SEPTIN9: variants seen among roughly 807,000 people sequenced by gnomAD.
The protein encoded by SEPTIN9 is septin 9.
A neutral mutation model predicts 56.6 loss-of-function variants in SEPTIN9; 13 were observed. That is an observed-to-expected ratio of 0.23 (90% CI 0.15 to 0.37). The LOEUF is 0.37. Among genes scored for constraint, SEPTIN9 ranks in the 10% least tolerant of loss-of-function variants. SEPTIN9 has a pLI of 1.00. For synonymous variants in SEPTIN9, 332 were observed against 334.1 expected (o/e 0.99, Z 0.07); for missense variants, 650 against 823.1 (o/e 0.79, Z 2.57).
intron 2 of SEPTIN9, among the ~76,000 whole-genome samples, chr17:77,311,201 T>C (rs895401459): frequency 2.7e-5 from 4 of 150,826 alleles, no homozygotes; most frequent in African/African-American, 9.8e-5. Context: ...AGGGAGCGTC[T>C]GGGAAGAGGC....
chr17:77,328,087 T>A (rs1299083184), intron 2 of SEPTIN9, among the ~76,000 whole-genome samples: 1 of 148,970 alleles, frequency 6.7e-6, no homozygotes. Context: ...ATCCAGAGCA[T>A]CCCCATGCCC....
chr17:77,319,918 CCGCACTCGGGA>C lies in SEPTIN9; in HGVS notation c.76+12723_76+12733del. ...GGTGGAGAGAGGAGGCTGCCGGAAGCCGCACTCGGGACCTCTGCAGCCACCGACCAGACCGG... is the reference window on the plus strand; with the variant it reads ...GGTGGAGAGAGGAGGCTGCCGGAAGCCCTCTGCAGCCACCGACCAGACCGG... On this transcript the variant is annotated intron_variant, in intron 2 of 11. Coordinates refer to ENST00000427177, the MANE Select transcript of SEPTIN9 (RefSeq NM_001113491.2). The surrounding 1 kb of genome is among the most constrained non-coding windows in gnomAD (Gnocchi z 5.3). 1 of 1,108,260 alleles carries C rather than the reference CCGCACTCGGGA, an allele frequency of 9.0e-7. No homozygotes were observed. Among genetic ancestry groups the C allele is most frequent in the Non-Finnish European group, 1.1e-6 (1 of 906,506 alleles). 68.7% of individuals were successfully genotyped at this position (1,108,260 alleles called of 1,614,324 possible). A position where few individuals can be genotyped will look rare whatever the true frequency, so the allele number is the denominator to read the frequency against.
chr17:77,393,203 A>C (rs2035600791), intron 2 of SEPTIN9, among the ~76,000 whole-genome samples: 2 of 152,210 alleles, frequency 1.3e-5, no homozygotes, highest in Non-Finnish European at 1.5e-5. Context: ...TTGTGACCAC[A>C]GGTGGCTGCC....
At chr17:77,474,193 G>T (rs2039118511) in intron 3 of SEPTIN9, among the ~76,000 whole-genome samples, 1 of 152,180 alleles carries the variant, frequency 6.6e-6, no homozygotes, top group Non-Finnish European at 1.5e-5. Flanking sequence ...GGTGTCTGCT[G>T]GGTAGATCTA....
intron 3 of SEPTIN9, among the ~76,000 whole-genome samples, chr17:77,423,499 G>A (rs983921902): frequency 6.6e-6 from 1 of 152,352 alleles, no homozygotes; most frequent in Admixed American, 6.5e-5. Flanking sequence ...TGTCTCTCTT[G>A]TCCAAGAGAC....
chr17:77,450,616 C>T lies in SEPTIN9; in HGVS notation c.722-31528C>T, dbSNP rs1027764135. The stretch of plus-strand genomic sequence containing the variant: ...GCCCCTATAGTGTCAGCTCCCTCCT[C>T]TGGGGACCCCCTTGCTTGTGCCCCT... On this transcript the variant is annotated intron_variant, in intron 3 of 11. Transcript: ENST00000427177. The surrounding 1 kb of genome is among the most constrained non-coding windows in gnomAD (Gnocchi z 6.0). 3.0e-6 allele frequency: 3 copies of T among 985,658 alleles called. No homozygotes were observed. In the African/African-American group the frequency reaches 5.2e-5, roughly 17 times the overall value. 61.1% of individuals were successfully genotyped at this position (985,658 alleles called of 1,614,324 possible). A position where few individuals can be genotyped will look rare whatever the true frequency, so the allele number is the denominator to read the frequency against.
chr17:77,482,535 G>T, intron 4 of SEPTIN9, 200 bp downstream of exon 4: 1 of 716,162 alleles, frequency 1.4e-6, no homozygotes, highest in Non-Finnish European at 2.5e-6. Context: ...GCTCCTCAGA[G>T]GGGCCTGTCC....
At chr17:77,452,691 C>A (rs575022449) in intron 3 of SEPTIN9, among the ~76,000 whole-genome samples, 2 of 151,954 alleles carry the variant, frequency 1.3e-5, no homozygotes, top group Non-Finnish European at 2.9e-5. Flanking sequence ...GAGGAGGAAG[C>A]AGAAAAAGGC....
At chr17:77,413,560 T>C (rs1401292969) in intron 3 of SEPTIN9, among the ~76,000 whole-genome samples, 1 of 152,198 alleles carries the variant, frequency 6.6e-6, no homozygotes, top group Non-Finnish European at 1.5e-5. Context: ...CCTGGGATGC[T>C]CCATGTTGAG....
chr17:77,376,062 C>T (rs1375845397), intron 2 of SEPTIN9: 1 of 984,928 alleles, frequency 1.0e-6, no homozygotes, highest in Admixed American at 6.2e-5. Flanking sequence ...AGAAAAGTCA[C>T]CACTAGCTAG....
chr17:77,490,175 C>CA (rs1337215232), intron 7 of SEPTIN9, among the ~76,000 whole-genome samples: 2 of 152,210 alleles, frequency 1.3e-5, no homozygotes, highest in East Asian at 3.9e-4. Flanking sequence ...GATTTATTCT[C>CA]ACTGTGGGAA....
chr17:77,294,230 T>G (rs941027734), intron 1 of SEPTIN9, among the ~76,000 whole-genome samples: 1 of 151,842 alleles, frequency 6.6e-6, no homozygotes, highest in Non-Finnish European at 1.5e-5. Flanking sequence ...ACCAGCCTGG[T>G]CAACATGGTG....
rs764884251 is a variant in SEPTIN9 at position 77,475,201 on chromosome 17, T to TG, written c.722-6936dup. On this transcript the variant is annotated intron_variant, in intron 3 of 11. Coordinates refer to ENST00000427177, the MANE Select transcript of SEPTIN9 (RefSeq NM_001113491.2). The surrounding 1 kb of genome is among the most constrained non-coding windows in gnomAD (Gnocchi z 4.6). Reference sequence around the variant, plus strand: ...GGTGTCTGGCTTCACAAACCCTGTGTGGGGGGGTTGTGGTGAGAGGAAACC... The same window carrying TG: ...GGTGTCTGGCTTCACAAACCCTGTGTGGGGGGGGTTGTGGTGAGAGGAAACC... The TG allele has an allele frequency of 7.2e-5, 86 of 1,201,666 alleles. No individual in the cohort carries two copies. Among genetic ancestry groups the TG allele is most frequent in the Non-Finnish European group, 8.5e-5 (82 of 961,190 alleles). 74.4% of individuals were successfully genotyped at this position (1,201,666 alleles called of 1,614,324 possible). A position where few individuals can be genotyped will look rare whatever the true frequency, so the allele number is the denominator to read the frequency against.
chr17:77,340,576 T>C (rs1330887094), intron 2 of SEPTIN9, among the ~76,000 whole-genome samples: 1 of 152,220 alleles, frequency 6.6e-6, no homozygotes, highest in Non-Finnish European at 1.5e-5. Context: ...TTTGGAACGG[T>C]CAATGAGTAT....
intron 3 of SEPTIN9, among the ~76,000 whole-genome samples, chr17:77,410,580 C>T (rs2036259585): frequency 6.6e-6 from 1 of 152,256 alleles, no homozygotes. Flanking sequence ...GCTGCCGCCC[C>T]TGCCCTGCCT....
intron 2 of SEPTIN9, among the ~76,000 whole-genome samples, chr17:77,336,202 C>A (rs1304883021): frequency 6.6e-6 from 1 of 152,088 alleles, no homozygotes; most frequent in Admixed American, 6.5e-5. Flanking sequence ...TAAAATATTA[C>A]TTTGAATATT....
chr17:77,413,908 C>T (rs984214768), intron 3 of SEPTIN9, among the ~76,000 whole-genome samples: 21 of 150,418 alleles, frequency 1.4e-4, no homozygotes, highest in African/African-American at 5.1e-4. Context: ...GAATTCTTAC[C>T]TTTACCATGC....
At chr17:77,474,797 T>C (rs78194527) in intron 3 of SEPTIN9, among the ~76,000 whole-genome samples, 1 of 152,128 alleles carries the variant, frequency 6.6e-6, no homozygotes, top group African/African-American at 2.4e-5. Flanking sequence ...ATCTGTGAAA[T>C]GGGACAATAA....
In SEPTIN9 at chr17:77,330,567, G is replaced by A. The variant is rs1696341175; in HGVS notation, c.76+23370G>A. Among the ~76,000 whole-genome samples, 1 of 152,230 alleles carries A rather than the reference G, an allele frequency of 6.6e-6. No homozygotes were observed. The highest frequency in any genetic ancestry group is 1.5e-5 in the Non-Finnish European group (1 of 68,050). Reference sequence around the variant, plus strand: ...TGTTTCTGTTCACCTGGAAAGGATGGGTAGGACTTGGAGACAACAGGGATT... The same window carrying A: ...TGTTTCTGTTCACCTGGAAAGGATGAGTAGGACTTGGAGACAACAGGGATT... On this transcript the variant is annotated intron_variant, in intron 2 of 11. Transcript: ENST00000427177. The surrounding 1 kb of genome is among the most constrained non-coding windows in gnomAD (Gnocchi z 4.4).
Sources: allele counts gnomAD v4.1 joint callset (sites outside exome capture counted in the v4.1 genomes callset), GRCh38; gene constraint gnomAD v4.1.1; non-coding constraint Gnocchi (gnomAD v3.1); transcripts MANE v1.5; gene names NCBI Gene and HGNC (gene_info 2026-07-23, HGNC 2026-07-21).